Variants in IL1RAPL2 observed in about 807,000 individuals in gnomAD.
IL1RAPL2 encodes the protein interleukin 1 receptor accessory protein like 2, also known as X-linked interleukin-1 receptor accessory protein-like 2.
A neutral mutation model predicts 44.1 loss-of-function variants in IL1RAPL2; 3 were observed. The ratio of observed to expected loss-of-function variants is 0.07; its 90% CI spans 0.03 to 0.18. IL1RAPL2 has a LOEUF of 0.18. IL1RAPL2 is among the 10% of genes least tolerant of loss of function. The pLI, the probability that IL1RAPL2 is intolerant of heterozygous loss-of-function variation, is 1.00. For synonymous variants in IL1RAPL2, 181 were observed against 178.8 expected, an observed-to-expected ratio of 1.01 and a Z score of -0.10; for missense variants, 391 against 496.4, an observed-to-expected ratio of 0.79 and a Z score of 2.02.
At chrX:105,555,971 T>G (rs368782788) in intron 6 of IL1RAPL2, among the ~76,000 whole-genome samples, 4 of 112,171 alleles carry the variant, frequency 3.6e-5, no homozygotes, top group South Asian at 7.4e-4. Context: ...TGCCTTTAGT[T>G]GTCAGTGATC....
At chrX:105,509,074 G>A (rs2036451707) in intron 6 of IL1RAPL2, among the ~76,000 whole-genome samples, 1 of 111,700 alleles carries the variant, frequency 9.0e-6, no homozygotes, top group African/African-American at 3.3e-5. Context: ...GGCATTGGAG[G>A]TATAGCATTT....
At chrX:104,595,890 C>G (rs1928754254) in intron 1 of IL1RAPL2, among the ~76,000 whole-genome samples, 1 of 101,569 alleles carries the variant, frequency 9.8e-6, no homozygotes, top group African/African-American at 3.8e-5. Context: ...ATCAGAATCT[C>G]TAGGGTTGGG....
intron 2 of IL1RAPL2, among the ~76,000 whole-genome samples, chrX:105,126,065 A>AT (rs1469199272): frequency 3.6e-5 from 4 of 110,958 alleles, no homozygotes; most frequent in Non-Finnish European, 7.6e-5. Context: ...AGAACATGCT[A>AT]TTTTTGTAGG....
intron 2 of IL1RAPL2, among the ~76,000 whole-genome samples, chrX:104,890,945 T>G (rs1439999834): frequency 1.6e-4 from 18 of 111,910 alleles, no homozygotes; most frequent in African/African-American, 4.9e-4. Flanking sequence ...TAACATTTAA[T>G]TCTTTACTCC....
At chrX:105,379,076 C>T (rs16984730) in intron 5 of IL1RAPL2, among the ~76,000 whole-genome samples, 8,241 of 111,444 alleles carry the variant, frequency 0.074, 764 homozygotes, top group African/African-American at 0.26. Context: ...GTAATCCAAC[C>T]TAATGAGTAA....
chrX:104,890,303 G>A (rs1338805560), intron 2 of IL1RAPL2, among the ~76,000 whole-genome samples: 9 of 111,862 alleles, frequency 8.0e-5, no homozygotes, highest in Non-Finnish European at 1.3e-4. Flanking sequence ...AGTCCTTTGG[G>A]TATATACCCA....
At chrX:105,357,549 A>G (rs1232948335) in intron 5 of IL1RAPL2, among the ~76,000 whole-genome samples, 1 of 110,986 alleles carries the variant, frequency 9.0e-6, no homozygotes, top group African/African-American at 3.3e-5. Flanking sequence ...ATATCTTTTT[A>G]TTTAAATCAA....
chrX:105,508,573 A>T (rs1293144850), intron 6 of IL1RAPL2, among the ~76,000 whole-genome samples: 3 of 110,244 alleles, frequency 2.7e-5, no homozygotes, highest in African/African-American at 9.9e-5. Context: ...TCCTCAGGTG[A>T]TGCACTTAAG....
chrX:105,355,211 A>C (rs960869200), intron 5 of IL1RAPL2, among the ~76,000 whole-genome samples: 3 of 111,448 alleles, frequency 2.7e-5, no homozygotes, highest in African/African-American at 9.8e-5. Context: ...GAATGTCAAC[A>C]TGTTAATACA....
At chrX:105,142,620 TC>T (rs201810805) in intron 2 of IL1RAPL2, among the ~76,000 whole-genome samples, 1,850 of 110,269 alleles carry the variant, frequency 0.017, 39 homozygotes, top group African/African-American at 0.057. Flanking sequence ...GCTTTCACAT[TC>T]TTTTTTTTCT....
chrX:105,052,181 G>C (rs2031936399), intron 2 of IL1RAPL2, among the ~76,000 whole-genome samples: 1 of 111,623 alleles, frequency 9.0e-6, no homozygotes, highest in South Asian at 3.8e-4. Context: ...ATATTCTAAG[G>C]CATACCTCAT....
intron 5 of IL1RAPL2, among the ~76,000 whole-genome samples, chrX:105,470,367 T>G (rs751230748): frequency 8.9e-6 from 1 of 111,856 alleles, no homozygotes; most frequent in Admixed American, 9.5e-5. Flanking sequence ...CTATAAATTT[T>G]TAGTGGAGCC....
At chrX:105,719,100 T>C (rs1008879501) in intron 7 of IL1RAPL2, among the ~76,000 whole-genome samples, 23 of 112,066 alleles carry the variant, frequency 2.1e-4, no homozygotes, top group African/African-American at 7.5e-4. Context: ...CCATGAATGT[T>C]CATAGCAGCA....
At chrX:104,664,051 A>G (rs1930446031) in intron 2 of IL1RAPL2, among the ~76,000 whole-genome samples, 1 of 110,693 alleles carries the variant, frequency 9.0e-6, no homozygotes, top group Non-Finnish European at 1.9e-5. Context: ...TAATGGTTTT[A>G]GGGTTAGGGA....
At chrX:104,903,779 G>A (rs924183837) in intron 2 of IL1RAPL2, among the ~76,000 whole-genome samples, 4 of 109,855 alleles carry the variant, frequency 3.6e-5, no homozygotes, top group Admixed American at 2.9e-4. Context: ...GGATTTTGCC[G>A]TGTTGCCCAG....
rs749994661 is a variant in IL1RAPL2, at chrX:105,766,932, T to C, written c.1364-32T>C. On this transcript the variant is annotated intron_variant, in intron 10 of 10. Transcript: ENST00000372582. ...GCTTTAGAGACTGGCAATGTCTTTG[T>C]TTTACTCTTTCTCTCTTTCTGTGAT... 3 of 1,078,855 alleles carry C rather than the reference T, an allele frequency of 2.8e-6. No individual in the cohort carries two copies. The South Asian group carries it at 6.0e-5, about 22-fold the overall frequency. 88.9% of individuals were successfully genotyped at this position (1,078,855 alleles called of 1,213,427 possible). A position where few individuals can be genotyped will look rare whatever the true frequency, so the allele number is the denominator to read the frequency against.
intron 5 of IL1RAPL2, among the ~76,000 whole-genome samples, chrX:105,424,750 C>CA (rs200721994): frequency 1.8e-4 from 19 of 106,148 alleles, no homozygotes; most frequent in Middle Eastern, 4.9e-3. Context: ...AACTATGTCT[C>CA]AAAAAAATAA....
chrX:104,978,995 A>C (rs1245160620), intron 2 of IL1RAPL2, among the ~76,000 whole-genome samples: 2 of 111,023 alleles, frequency 1.8e-5, no homozygotes, highest in African/African-American at 6.5e-5. Flanking sequence ...TGGACTAGGC[A>C]TAGTGATTTC....
Position 104,919,224 on chromosome X carries a change from C to CT in IL1RAPL2, c.82+260247dup, listed in dbSNP as rs35363128. ...GGGGACTCTTGGGCACTTTTTCTTTCTTTTTTTTTTTTTTTTTTAAGATGG... is the reference window on the plus strand; with the variant it reads ...GGGGACTCTTGGGCACTTTTTCTTTCTTTTTTTTTTTTTTTTTTTAAGATGG... On this transcript the variant is annotated intron_variant, in intron 2 of 10. Transcript: ENST00000372582. Among the ~76,000 whole-genome samples, 181 of 96,023 alleles carry CT rather than the reference C, an allele frequency of 1.9e-3. 1 individual carries two copies. The highest frequency in any genetic ancestry group is 6.8e-3 in the African/African-American group (172 of 25,422). The allele number at this position is 96,023 out of a possible 115,157, so 83.4% of individuals were successfully genotyped here. A position where few individuals can be genotyped will look rare whatever the true frequency, so the allele number is the denominator to read the frequency against.
Sources: allele counts gnomAD v4.1 joint callset (sites outside exome capture counted in the v4.1 genomes callset), GRCh38; gene constraint gnomAD v4.1.1; transcripts MANE v1.5; gene names NCBI Gene and HGNC (gene_info 2026-07-23, HGNC 2026-07-21).